Variants in MGAT4C observed in about 807,000 individuals in gnomAD.
The protein encoded by MGAT4C is MGAT4 family member C.
Under a neutral mutation model 40.1 loss-of-function variants are expected in MGAT4C, and 19 were observed. The ratio of observed to expected loss-of-function variants is 0.47; its 90% CI spans 0.33 to 0.70. The LOEUF (loss-of-function observed/expected upper bound fraction) is 0.70, where lower values mean the gene tolerates loss of function less well. Ranked by LOEUF, MGAT4C falls within the 30% of genes least tolerant of loss-of-function variation. MGAT4C has a pLI of 0.02. For missense variants in MGAT4C, 491 were observed against 563.2 expected, an observed-to-expected ratio of 0.87 and a Z score of 1.30; for synonymous variants, 181 against 187.1, an observed-to-expected ratio of 0.97 and a Z score of 0.27.
At chr12:86,596,470 CA>C (rs1961541867) in intron 2 of MGAT4C, among the ~76,000 whole-genome samples, 1 of 152,112 alleles carries the variant, frequency 6.6e-6, no homozygotes, top group African/African-American at 2.4e-5. Flanking sequence ...TCAGATCCTC[CA>C]AAAAAGATGG....
intron 3 of MGAT4C, among the ~76,000 whole-genome samples, chr12:86,366,677 T>C (rs758711618): frequency 7.9e-4 from 120 of 152,236 alleles, no homozygotes; most frequent in Non-Finnish European, 1.3e-3. Flanking sequence ...CATCACATAA[T>C]ATACACACCT....
intron 2 of MGAT4C, among the ~76,000 whole-genome samples, chr12:86,480,786 A>C (rs1957925016): frequency 6.6e-6 from 1 of 151,854 alleles, no homozygotes; most frequent in African/African-American, 2.4e-5. Context: ...ATAGGTGCTA[A>C]ATGATTTTTA....
chr12:86,003,700 C>T (rs923775033), intron 2 of MGAT4C, among the ~76,000 whole-genome samples: 1 of 151,976 alleles, frequency 6.6e-6, no homozygotes, highest in Non-Finnish European at 1.5e-5. Context: ...TAAATACTCA[C>T]TAAATATCTA....
intron 2 of MGAT4C, among the ~76,000 whole-genome samples, chr12:86,039,428 T>C (rs932810806): frequency 2.0e-5 from 3 of 149,300 alleles, no homozygotes; most frequent in South Asian, 2.1e-4. Flanking sequence ...CTTTTTACTC[T>C]TTTTTCTCTA....
At chr12:86,042,870 A>C (rs995221966) in intron 2 of MGAT4C, among the ~76,000 whole-genome samples, 1 of 65,818 alleles carries the variant, frequency 1.5e-5, no homozygotes, top group East Asian at 2.3e-4. Context: ...TCTGTCTCAA[A>C]AAAAAAAAAA....
At chr12:86,510,830 GAT>G (rs1958565837) in intron 2 of MGAT4C, among the ~76,000 whole-genome samples, 1 of 152,098 alleles carries the variant, frequency 6.6e-6, no homozygotes, top group African/African-American at 2.4e-5. Flanking sequence ...GGAGCACCCA[GAT>G]TCATAAAGCA....
intron 2 of MGAT4C, among the ~76,000 whole-genome samples, chr12:86,465,284 CAT>C (rs969080019): frequency 1.3e-5 from 2 of 152,004 alleles, no homozygotes; most frequent in Non-Finnish European, 2.9e-5. Flanking sequence ...TAGAATATAA[CAT>C]AGGTAAAAAC....
rs773511824 is a variant in MGAT4C at position 86,464,322 on chromosome 12, T to A, written c.-228-29057A>T. Among the ~76,000 whole-genome samples the A allele has an allele frequency of 2.1e-4, 32 of 152,164 alleles. 1 individual carries two copies. Among genetic ancestry groups the A allele is most frequent in the South Asian group, 2.1e-4 (1 of 4,834 alleles). ...ACTGTTTACTTAAAACATTAAAGAA[T>A]CATTTTGCAGTATTTAAGTAAAAAG... On this transcript the variant is annotated intron_variant, in intron 2 of 7. Coordinates refer to the MGAT4C transcript ENST00000548651.
chr12:86,376,776 AAG>A (rs1328088876), intron 3 of MGAT4C, among the ~76,000 whole-genome samples: 2 of 145,240 alleles, frequency 1.4e-5, no homozygotes, highest in East Asian at 2.0e-4. Context: ...AAGAGCAAGA[AAG>A]AGAGAGAGAG....
chr12:86,108,511 T>C (rs898055227), intron 1 of MGAT4C, among the ~76,000 whole-genome samples: 6 of 152,100 alleles, frequency 3.9e-5, no homozygotes, highest in African/African-American at 1.4e-4. Flanking sequence ...GGCTGACTAA[T>C]TGACCCTCTG....
At chr12:86,436,321 C>A (rs1348445907) in intron 2 of MGAT4C, among the ~76,000 whole-genome samples, 1 of 150,894 alleles carries the variant, frequency 6.6e-6, no homozygotes, top group African/African-American at 2.4e-5. Flanking sequence ...CAAAAAATGA[C>A]AACTTATGAC....
intron 3 of MGAT4C, among the ~76,000 whole-genome samples, chr12:86,408,240 T>G (rs930722227): frequency 6.6e-6 from 1 of 151,998 alleles, no homozygotes; most frequent in Non-Finnish European, 1.5e-5. Context: ...TTGTAAGTCT[T>G]TAATAAAAAT....
chr12:86,838,384 C>T (rs1256540892), intron 1 of MGAT4C, among the ~76,000 whole-genome samples: 1 of 152,080 alleles, frequency 6.6e-6, no homozygotes, highest in Non-Finnish European at 1.5e-5. Context: ...AAAGGAAAAT[C>T]CTCAAGAGAA....
chr12:86,654,053 G>A (rs901167762), intron 2 of MGAT4C, among the ~76,000 whole-genome samples: 3 of 151,948 alleles, frequency 2.0e-5, no homozygotes, highest in African/African-American at 7.2e-5. Context: ...AAGAAAAATT[G>A]TGATGAGGTA....
chr12:86,275,238 G>A (rs1478004377), intron 4 of MGAT4C, among the ~76,000 whole-genome samples: 2 of 152,156 alleles, frequency 1.3e-5, no homozygotes, highest in East Asian at 3.9e-4. Context: ...ATATTAAAGA[G>A]AGTAGATAAC....
intron 2 of MGAT4C, among the ~76,000 whole-genome samples, chr12:86,546,107 C>T (rs1194870351): frequency 1.3e-5 from 2 of 151,872 alleles, no homozygotes; most frequent in African/African-American, 4.8e-5. Context: ...TCGATCACAT[C>T]TGAACTAGAT....
At chr12:86,588,735 A>G (rs1378332264) in intron 2 of MGAT4C, among the ~76,000 whole-genome samples, 1 of 152,168 alleles carries the variant, frequency 6.6e-6, no homozygotes, top group African/African-American at 2.4e-5. Flanking sequence ...ACTAGAACTC[A>G]GGATTAAGAA....
At chr12:86,079,403 C>A (rs1056753091) in intron 1 of MGAT4C, among the ~76,000 whole-genome samples, 6 of 152,114 alleles carry the variant, frequency 3.9e-5, no homozygotes, top group African/African-American at 1.2e-4. Flanking sequence ...TGAGGAAACC[C>A]TGGTGGACTT....
intron 1 of MGAT4C, among the ~76,000 whole-genome samples, chr12:86,072,223 T>C (rs1868660400): frequency 6.6e-6 from 1 of 152,114 alleles, no homozygotes. Flanking sequence ...AAAACACATT[T>C]TTCCCTACTC....
Sources: allele counts gnomAD v4.1 joint callset (sites outside exome capture counted in the v4.1 genomes callset), GRCh38; gene constraint gnomAD v4.1.1; transcripts MANE v1.5; gene names NCBI Gene and HGNC (gene_info 2026-07-23, HGNC 2026-07-21).